ARHGAP11A: variants seen among roughly 807,000 people sequenced by gnomAD.
ARHGAP11A encodes the protein rho GTPase-activating protein 11A.
A neutral mutation model predicts 60.5 loss-of-function variants in ARHGAP11A; 36 were observed. That is an observed-to-expected ratio of 0.59 (90% CI 0.46 to 0.79). ARHGAP11A has a LOEUF of 0.79. ARHGAP11A is among the 30% of genes least tolerant of loss of function. The probability of loss-of-function intolerance (pLI) is 0.00; values close to 1 mark genes in which losing one functional copy is unlikely to be tolerated. For missense variants in ARHGAP11A, 1,071 were observed against 1,199.2 expected (o/e 0.89, Z 1.58); for synonymous variants, 362 against 415.5 (o/e 0.87, Z 1.57).
chr15:32,634,151 C>A (rs1595774984), intron 10 of ARHGAP11A, 110 bp downstream of exon 10: 1 of 723,372 alleles, frequency 1.4e-6, no homozygotes, highest in East Asian at 3.0e-5. Context: ...TCATTCTGTT[C>A]TTTTTATCCA....
rs531220974 is a variant in ARHGAP11A, at chr15:32,628,380, C to T, written c.863-348C>T. Among the ~76,000 whole-genome samples the T allele has an allele frequency of 1.1e-4, 17 of 152,206 alleles. No homozygotes were observed. The East Asian group carries it at 2.5e-3, about 22-fold the overall frequency. On this transcript the variant is annotated intron_variant, in intron 6 of 11. Coordinates refer to ENST00000361627, the MANE Select transcript of ARHGAP11A (RefSeq NM_014783.6). ...TACTGATCTTTTAAATACTTTTATT[C>T]GTGCCTCCATTTCCATGGTTCTTGC...
At chr15:32,631,327 C>T (rs2053578118) in intron 8 of ARHGAP11A, among the ~76,000 whole-genome samples, 1 of 147,308 alleles carries the variant, frequency 6.8e-6, no homozygotes, top group Non-Finnish European at 1.5e-5. Context: ...CAGAGTTTTG[C>T]TCTTGTTGCC....
chr15:32,628,010 G>A (rs2053506228), intron 6 of ARHGAP11A, among the ~76,000 whole-genome samples: 1 of 151,972 alleles, frequency 6.6e-6, no homozygotes, highest in Admixed American at 6.6e-5. Context: ...GGGTTTCACT[G>A]TGTTGGCCAG....
intron 8 of ARHGAP11A, among the ~76,000 whole-genome samples, chr15:32,631,054 T>C (rs1208734764): frequency 1.3e-5 from 2 of 152,182 alleles, no homozygotes; most frequent in Non-Finnish European, 2.9e-5. Context: ...CTATTTTTAG[T>C]TTGAGCTTGC....
intron 6 of ARHGAP11A, among the ~76,000 whole-genome samples, chr15:32,626,885 AC>A (rs1359404984): frequency 3.9e-5 from 6 of 152,268 alleles, no homozygotes; most frequent in African/African-American, 1.2e-4. Flanking sequence ...ATTAGGGCCC[AC>A]CCAAATGACC....
At position 32,638,061 on chromosome 15, in the gene ARHGAP11A, T is replaced by G. The variant is rs1302734185; in HGVS notation, c.*216T>G. The stretch of plus-strand genomic sequence containing the variant: ...TCTTAATGATGGCAATTTTTAAACT[T>G]TAATTTTATTGTGATCTCTTAAAGC... On this transcript the variant is annotated 3_prime_UTR_variant, in exon 12 of 12. Coordinates refer to ENST00000361627, the MANE Select transcript of ARHGAP11A (RefSeq NM_014783.6). The G allele has an allele frequency of 1.9e-6, 1 of 535,048 alleles. No individual in the cohort carries two copies. The highest frequency in any genetic ancestry group is 1.9e-5 in the African/African-American group (1 of 51,432). The allele number at this position is 535,048 out of a possible 1,614,324, so 33.1% of individuals were successfully genotyped here. A position where few individuals can be genotyped will look rare whatever the true frequency, so the allele number is the denominator to read the frequency against.
rs1331056332 is a variant in ARHGAP11A, at chr15:32,637,585, G to A, written c.2812G>A (p.Val938Met). The A allele has an allele frequency of 1.9e-6, 3 of 1,614,190 alleles. No individual in the cohort carries two copies. Among genetic ancestry groups the A allele is most frequent in the Admixed American group, 1.7e-5 (1 of 60,024 alleles). Residue 938 changes from valine (V) to methionine (M), a missense_variant, in exon 12 of 12, where the codon GTG becomes ATG. Val to Met is a conservative substitution (Grantham distance 21). Coordinates refer to ENST00000361627, the MANE Select transcript of ARHGAP11A (RefSeq NM_014783.6). ...FLKMRKHPDS[V>M]NASLRSTTVY... The stretch of plus-strand genomic sequence containing the variant: ...AAAGATGAGGAAGCACCCAGATTCA[G>A]TGAATGCTTCTCTTAGGTCTACTAC...
intron 6 of ARHGAP11A, among the ~76,000 whole-genome samples, chr15:32,627,894 C>G (rs192109747): frequency 6.7e-6 from 1 of 149,706 alleles, no homozygotes; most frequent in Non-Finnish European, 1.5e-5. Context: ...ACTGCAATCT[C>G]CACCTCCTGG....
chr15:32,629,540 T>A, intron 7 of ARHGAP11A, 55 bp from the exon 8 acceptor site: 1 of 1,449,194 alleles, frequency 6.9e-7, no homozygotes, highest in Non-Finnish European at 9.3e-7. Flanking sequence ...AAAGCTTTTA[T>A]ATGTTGTCAA....
rs771537185 is a variant in ARHGAP11A, at chr15:32,636,374, C to G, written c.1601C>G (p.Ala534Gly). Residue 534 changes from alanine to glycine, a missense_variant, in exon 12 of 12, where the codon GCA becomes GGA. By Grantham distance (60) the Ala-to-Gly change is moderately conservative. Coordinates refer to ENST00000361627, the MANE Select transcript of ARHGAP11A (RefSeq NM_014783.6). ...PNNSSFQEVD[A>G]NEASSMVENL... ...AATTCAAGTTTTCAAGAAGTAGATG[C>G]AAATGAAGCTTCTTCAATGGTGGAA... The G allele has an allele frequency of 3.7e-6, 6 of 1,614,066 alleles. No individual in the cohort carries two copies. In the Admixed American group the frequency reaches 1.0e-4, roughly 27 times the overall value.
At chr15:32,635,707 A>G in intron 10 of ARHGAP11A, 70 bp from the exon 11 acceptor site, 1 of 1,116,732 alleles carries the variant, frequency 9.0e-7, no homozygotes, top group Non-Finnish European at 1.2e-6. Context: ...ACTACAAAAA[A>G]TTATTCTGTC....
intron 8 of ARHGAP11A, among the ~76,000 whole-genome samples, chr15:32,631,108 A>G (rs983716529): frequency 2.6e-5 from 4 of 152,212 alleles, no homozygotes; most frequent in Non-Finnish European, 5.9e-5. Flanking sequence ...AAGTTCAACA[A>G]TAGTAATCGT....
At chr15:32,634,849 T>C (rs1018651538) in intron 10 of ARHGAP11A, among the ~76,000 whole-genome samples, 1 of 152,236 alleles carries the variant, frequency 6.6e-6, no homozygotes, top group Non-Finnish European at 1.5e-5. Flanking sequence ...AACTTCTGCT[T>C]TTAGAGTATC....
At chr15:32,624,133 T>A in intron 3 of ARHGAP11A, 40 bp from the exon 4 acceptor site, 1 of 1,608,958 alleles carries the variant, frequency 6.2e-7, no homozygotes. Flanking sequence ...AATAAACTCT[T>A]AAGTTGCCAA....
At chr15:32,633,192 G>C in intron 9 of ARHGAP11A, 84 bp downstream of exon 9, 2 of 1,478,044 alleles carry the variant, frequency 1.4e-6, no homozygotes, top group African/African-American at 2.8e-5. Context: ...TTTCTGTCAA[G>C]CATCATATTT....
At position 32,616,069 on chromosome 15, in the gene ARHGAP11A, G is replaced by A. The variant is rs1313854334; in HGVS notation, c.-143G>A. The A allele has an allele frequency of 8.0e-6, 10 of 1,251,382 alleles. No individual in the cohort carries two copies. Among genetic ancestry groups the A allele is most frequent in the Non-Finnish European group, 1.1e-5 (10 of 915,444 alleles). The allele number at this position is 1,251,382 out of a possible 1,614,324, so 77.5% of individuals were successfully genotyped here. ...GGAAAAGCCGTGGAAGTGGCCGGGGGTCGGGGCCGCAGAAGTGCCAGACGG... is the reference window on the plus strand; with the variant it reads ...GGAAAAGCCGTGGAAGTGGCCGGGGATCGGGGCCGCAGAAGTGCCAGACGG... On this transcript the variant is annotated 5_prime_UTR_variant, in exon 1 of 12. Transcript: ENST00000361627.
At chr15:32,622,841 A>C (rs2140450363) in intron 2 of ARHGAP11A, among the ~76,000 whole-genome samples, 1 of 152,366 alleles carries the variant, frequency 6.6e-6, no homozygotes, top group East Asian at 1.9e-4. Flanking sequence ...GTAGGAGATG[A>C]GAAAATCACC....
chr15:32,618,081 C>T (rs2053204205), intron 1 of ARHGAP11A, among the ~76,000 whole-genome samples: 1 of 152,160 alleles, frequency 6.6e-6, no homozygotes. Context: ...CAGCTAGAAA[C>T]ACTTATAAGA....
chr15:32,635,701 C>T (rs2053689455), intron 10 of ARHGAP11A, 76 bp from the exon 11 acceptor site: 6 of 1,070,388 alleles, frequency 5.6e-6, no homozygotes, highest in Non-Finnish European at 6.2e-6. Context: ...TTGATAACTA[C>T]AAAAAATTAT....
Sources: gnomAD v4.1 joint callset for allele counts (sites outside exome capture counted in the v4.1 genomes callset) on GRCh38, gnomAD v4.1.1 for gene constraint, MANE v1.5 for transcripts, NCBI Gene and HGNC (gene_info 2026-07-23, HGNC 2026-07-21) for gene names.